The following IPPK variants were observed in gnomAD, a reference collection of about 807,000 sequenced individuals.
The protein encoded by IPPK is inositol-pentakisphosphate 2-kinase.
Under a neutral mutation model 64.6 loss-of-function variants are expected in IPPK, and 22 were observed. The observed-to-expected ratio is 0.34, with a 90% CI of 0.24 to 0.49. The LOEUF (loss-of-function observed/expected upper bound fraction) is 0.49, where lower values mean the gene tolerates loss of function less well. Among genes scored for constraint, IPPK ranks in the 20% least tolerant of loss-of-function variants. The pLI is 0.99. For synonymous variants in IPPK, 262 were observed against 247.2 expected, an observed-to-expected ratio of 1.06 and a Z score of -0.56; for missense variants, 532 against 630.7, an observed-to-expected ratio of 0.84 and a Z score of 1.68.
At chr9:92,654,784 T>A (rs1852337879) in intron 3 of IPPK, among the ~76,000 whole-genome samples, 1 of 152,046 alleles carries the variant, frequency 6.6e-6, no homozygotes, top group South Asian at 2.1e-4. Flanking sequence ...GGACAACTGC[T>A]CAGAAGGACA....
At chr9:92,630,717 G>A (rs1851823917) in intron 11 of IPPK, among the ~76,000 whole-genome samples, 2 of 151,930 alleles carry the variant, frequency 1.3e-5, no homozygotes, top group East Asian at 1.9e-4. Flanking sequence ...CTGCACATAA[G>A]TTTGGAGAGA....
At chr9:92,661,070 G>A (rs1216586545) in intron 1 of IPPK, among the ~76,000 whole-genome samples, 1 of 152,174 alleles carries the variant, frequency 6.6e-6, no homozygotes, top group Non-Finnish European at 1.5e-5. Context: ...GCAATAGCCA[G>A]CAGGTGCTAG....
chr9:92,658,792 A>C, intron 1 of IPPK, 111 bp from the exon 2 acceptor site: 1 of 984,910 alleles, frequency 1.0e-6, no homozygotes, highest in Non-Finnish European at 1.6e-6. Flanking sequence ...GTGAAGCTCC[A>C]CAGCAAGGAG....
chr9:92,652,471 T>G, intron 4 of IPPK, 102 bp downstream of exon 4: 1 of 523,184 alleles, frequency 1.9e-6, no homozygotes, highest in South Asian at 3.5e-5. Context: ...AAAAAAAGGA[T>G]TACTGAAAAA....
chr9:92,652,581 T>G lies in IPPK; in HGVS notation c.284A>C (p.Glu95Ala), dbSNP rs748615150. 5 of 1,553,758 alleles carry G rather than the reference T, an allele frequency of 3.2e-6. No individual in the cohort carries two copies. In the South Asian group the frequency reaches 4.7e-5, roughly 15 times the overall value. The change falls in exon 4 of 13, where the codon GAA becomes GCA. Residue 95 changes from glutamate to alanine, a missense_variant. Transcript: ENST00000287996. ...VKQLCLKIQS[E>A]RPESRCDKDL... ...AAGTTAAACACCCTTACCTGGTCTT[T>G]CAGATTGTATCTTTAAACAAAGCTG...
At chr9:92,655,795 C>T (rs755985587) in intron 3 of IPPK, among the ~76,000 whole-genome samples, 3 of 152,162 alleles carry the variant, frequency 2.0e-5, no homozygotes, top group Non-Finnish European at 4.4e-5. Context: ...CCAAACACTC[C>T]CAACATCACA....
intron 12 of IPPK, chr9:92,617,752 T>C (rs1400019324): frequency 1.2e-5 from 2 of 167,396 alleles, no homozygotes; most frequent in African/African-American, 4.8e-5. Context: ...GTGTTTCAAA[T>C]GGGAGGTCGA....
chr9:92,631,358 G>T lies in IPPK; in HGVS notation c.1170+3028C>A, dbSNP rs57765144. Among the ~76,000 whole-genome samples the T allele has an allele frequency of 5.6e-3, 856 of 152,182 alleles. 13 individuals are homozygous for T. Among genetic ancestry groups the T allele is most frequent in the African/African-American group, 0.019 (805 of 41,490 alleles). On this transcript the variant is annotated intron_variant, in intron 11 of 12. Coordinates refer to ENST00000287996, the MANE Select transcript of IPPK (RefSeq NM_022755.6). ...CTACAGGCATGCACCACCATGCCTG[G>T]CTAATTTTTGTATTTTTAGTAGAGA...
At chr9:92,663,763 G>A (rs1852536400) in intron 1 of IPPK, among the ~76,000 whole-genome samples, 1 of 152,222 alleles carries the variant, frequency 6.6e-6, no homozygotes, top group South Asian at 2.1e-4. Flanking sequence ...GACTCACTCT[G>A]GAGGGGTATC....
chr9:92,634,778 C>A (rs1851907641), intron 10 of IPPK, among the ~76,000 whole-genome samples: 1 of 152,208 alleles, frequency 6.6e-6, no homozygotes, highest in Non-Finnish European at 1.5e-5. Flanking sequence ...CTGGCCCCGA[C>A]TGGACACCGC....
At chr9:92,661,561 G>A (rs983401888) in intron 1 of IPPK, among the ~76,000 whole-genome samples, 5 of 152,158 alleles carry the variant, frequency 3.3e-5, no homozygotes, top group African/African-American at 9.7e-5. Context: ...AAACACAGTG[G>A]CTTGGCCTCC....
At chr9:92,626,431 C>G (rs987611715) in intron 11 of IPPK, among the ~76,000 whole-genome samples, 1 of 151,722 alleles carries the variant, frequency 6.6e-6, no homozygotes, top group Non-Finnish European at 1.5e-5. Context: ...ATGGAAAACT[C>G]GATAAACAAG....
In IPPK at chr9:92,640,753, T is replaced by C; in HGVS notation, c.593A>G (p.Lys198Arg). 6.2e-7 allele frequency: 1 copy of C among 1,613,172 alleles called. No individual in the cohort carries two copies. The highest frequency in any genetic ancestry group is 8.5e-7 in the Non-Finnish European group (1 of 1,179,100). Residue 198 changes from lysine to arginine, a missense_variant, in exon 8 of 13, where the codon AAG (lysine) becomes AGG (arginine). Physicochemically the swap from Lys to Arg is conservative, Grantham distance 26 (BLOSUM62 2). Coordinates refer to ENST00000287996, the MANE Select transcript of IPPK (RefSeq NM_022755.6). ...GTTCTGTGCCTCCTGCAGCAAACTC[T>C]TCAAGGCAAAGTGCATTCTCTGTTT... ...GNKQRMHFALKSLLQEAQNNL... is the reference protein window; with the variant it reads ...GNKQRMHFALRSLLQEAQNNL...
intron 11 of IPPK, among the ~76,000 whole-genome samples, chr9:92,626,653 G>A (rs1851738888): frequency 1.3e-5 from 2 of 152,144 alleles, no homozygotes; most frequent in African/African-American, 2.4e-5. Flanking sequence ...GAAAATATTT[G>A]AGAAAATGAG....
chr9:92,619,376 C>A, intron 12 of IPPK, 110 bp downstream of exon 12: 4 of 844,528 alleles, frequency 4.7e-6, no homozygotes, highest in South Asian at 1.5e-5. Context: ...TATGTCACTC[C>A]GCCATGGAGT....
At chr9:92,659,261 T>C (rs1345215812) in intron 1 of IPPK, among the ~76,000 whole-genome samples, 1 of 152,210 alleles carries the variant, frequency 6.6e-6, no homozygotes, top group Admixed American at 6.5e-5. Flanking sequence ...TAAGGAAGGT[T>C]CTAGAAGGGA....
chr9:92,644,055 C>A (rs922225451), intron 6 of IPPK, among the ~76,000 whole-genome samples: 1 of 152,080 alleles, frequency 6.6e-6, no homozygotes, highest in Non-Finnish European at 1.5e-5. Context: ...CTCACATAAC[C>A]GTCTTTCCCC....
In IPPK at chr9:92,619,574, G is replaced by T; in HGVS notation, c.1171-9C>A. 3 of 1,571,638 alleles carry T rather than the reference G, an allele frequency of 1.9e-6. No individual in the cohort carries two copies. Among genetic ancestry groups the T allele is most frequent in the Non-Finnish European group, 2.6e-6 (3 of 1,157,880 alleles). On this transcript the variant is annotated splice_polypyrimidine_tract_variant and intron_variant, in intron 11 of 12. Transcript: ENST00000287996. ...ACGCGGTACTGCTGCACCTGCAGGG[G>T]CGGGAAAGATCAGCTCCAGGTCACA...
chr9:92,657,839 C>CG (rs1217406318), intron 2 of IPPK, among the ~76,000 whole-genome samples: 1 of 152,140 alleles, frequency 6.6e-6, no homozygotes, highest in Non-Finnish European at 1.5e-5. Flanking sequence ...CACCACCCCC[C>CG]GGCCTCCCTT....
Sources: gnomAD v4.1 joint callset for allele counts (sites outside exome capture counted in the v4.1 genomes callset) on GRCh38, gnomAD v4.1.1 for gene constraint, MANE v1.5 for transcripts, NCBI Gene and HGNC (gene_info 2026-07-23, HGNC 2026-07-21) for gene names.